The following SLC24A5 variants were observed in gnomAD, a reference collection of about 807,000 sequenced individuals.
SLC24A5 encodes the protein sodium/potassium/calcium exchanger 5.
In SLC24A5, 46 loss-of-function variants were observed where a neutral mutation model predicts 51.6. The observed-to-expected ratio is 0.89, with a 90% CI of 0.70 to 1.14. The LOEUF is 1.14. SLC24A5 is among the 50% of genes most tolerant of loss of function. The pLI is 0.00. For synonymous variants in SLC24A5, 230 were observed against 214.9 expected (o/e 1.07, Z -0.62); for missense variants, 581 against 604.1 (o/e 0.96, Z 0.40).
chr15:48,141,913 A>G, intron 8 of SLC24A5, 116 bp from the exon 9 acceptor site: 1 of 774,798 alleles, frequency 1.3e-6, no homozygotes, highest in South Asian at 3.0e-5. Context: ...CTCTAACAAC[A>G]ATTTTTCAAA....
intron 2 of SLC24A5, among the ~76,000 whole-genome samples, chr15:48,130,370 A>G (rs546145567): frequency 6.6e-6 from 1 of 152,308 alleles, no homozygotes; most frequent in South Asian, 2.1e-4. Flanking sequence ...ACATTAAGAT[A>G]TAATTTGTTA....
intron 7 of SLC24A5, chr15:48,139,562 G>C (rs1203029434): frequency 1.3e-5 from 2 of 155,016 alleles, no homozygotes; most frequent in African/African-American, 4.9e-5. Context: ...AAAGCAAGGA[G>C]CTCTATTTTT....
In SLC24A5 at chr15:48,142,558, G is replaced by A. The variant is rs1025010174; in HGVS notation, c.*207G>A. The A allele has an allele frequency of 5.2e-5, 25 of 476,750 alleles. No individual in the cohort carries two copies. Among genetic ancestry groups the A allele is most frequent in the Non-Finnish European group, 7.9e-5 (22 of 279,776 alleles). 29.5% of individuals were successfully genotyped at this position (476,750 alleles called of 1,614,324 possible). On this transcript the variant is annotated 3_prime_UTR_variant, in exon 9 of 9. Coordinates refer to ENST00000341459, the MANE Select transcript of SLC24A5 (RefSeq NM_205850.3). ...ACATATTATAAAACAGAAGTTTGGG[G>A]GGAAAAAATCTATGTTTTACCATAC... is the stretch of plus-strand genomic sequence containing the variant.
In SLC24A5 at chr15:48,134,866, T is replaced by C; in HGVS notation, c.490-18T>C. The C allele has an allele frequency of 2.6e-6, 4 of 1,558,304 alleles. No individual in the cohort carries two copies. Among genetic ancestry groups the C allele is most frequent in the Non-Finnish European group, 3.5e-6 (4 of 1,136,708 alleles). ...AGAAGTTACAATGTAATGGAAATAA[T>C]AACTTACCATATTACAGGTCTCAAC... On this transcript the variant is annotated intron_variant, in intron 4 of 8. Coordinates refer to ENST00000341459, the MANE Select transcript of SLC24A5 (RefSeq NM_205850.3).
At chr15:48,131,174 T>C (rs1459190128) in intron 2 of SLC24A5, among the ~76,000 whole-genome samples, 3 of 152,174 alleles carry the variant, frequency 2.0e-5, no homozygotes, top group East Asian at 1.9e-4. Flanking sequence ...TTTTGTTCTA[T>C]GTTTTAAATA....
chr15:48,129,389 C>T (rs1597253308), intron 2 of SLC24A5, among the ~76,000 whole-genome samples: 1 of 152,046 alleles, frequency 6.6e-6, no homozygotes, highest in East Asian at 1.9e-4. Flanking sequence ...ACAAAAAAGA[C>T]ATCAGTTTGC....
chr15:48,127,846 T>A (rs948183518), intron 2 of SLC24A5, among the ~76,000 whole-genome samples: 17 of 151,956 alleles, frequency 1.1e-4, no homozygotes, highest in Admixed American at 8.5e-4. Flanking sequence ...AAATAAAAAT[T>A]AAAATTAAAA....
intron 2 of SLC24A5, chr15:48,123,033 A>ATC (rs2038695994): frequency 1.3e-5 from 2 of 151,244 alleles, no homozygotes; most frequent in Non-Finnish European, 2.9e-5. Context: ...CCCCACCCCC[A>ATC]ACCCCTGCTG....
intron 7 of SLC24A5, 52 bp from the exon 8 acceptor site, chr15:48,141,061 G>A (rs2039063429): frequency 7.1e-7 from 1 of 1,409,952 alleles, no homozygotes; most frequent in Non-Finnish European, 1.0e-6. Context: ...AACTGCAAAG[G>A]ATGGTTAGTG....
chr15:48,141,818 AATAAAT>A (rs2039100321), intron 8 of SLC24A5: 2 of 343,596 alleles, frequency 5.8e-6, no homozygotes, highest in East Asian at 9.4e-5. Flanking sequence ...AAAATGGTTT[AATAAAT>A]ATAATTATTA....
At chr15:48,140,902 T>C in intron 7 of SLC24A5, 3 of 440,986 alleles carry the variant, frequency 6.8e-6, no homozygotes, top group Non-Finnish European at 4.2e-6. Context: ...TTTAGATATG[T>C]CATTAAAAAT....
intron 2 of SLC24A5, among the ~76,000 whole-genome samples, chr15:48,132,875 T>C (rs750788561): frequency 2.0e-5 from 3 of 152,116 alleles, no homozygotes; most frequent in Non-Finnish European, 4.4e-5. Flanking sequence ...GTGATGATAG[T>C]AAGGAAGTCG....
rs1222312826 is a variant in SLC24A5, at chr15:48,121,173, G to A, written c.121+8G>A. 4 of 1,607,740 alleles carry A rather than the reference G, an allele frequency of 2.5e-6. No homozygotes were observed. Among genetic ancestry groups the A allele is most frequent in the African/African-American group, 2.7e-5 (2 of 74,716 alleles). On this transcript the variant is annotated splice_region_variant and intron_variant, in intron 1 of 8. Transcript: ENST00000341459. ...GTCTCCCAAGGGCCACAGGTAGGTG[G>A]ACATTGGGGTCAGTTAGCTCTGCAG...
At position 48,142,624 on chromosome 15, in the gene SLC24A5, C is replaced by T. The variant is rs1383734945; in HGVS notation, c.*273C>T. The T allele has an allele frequency of 4.3e-5, 19 of 442,016 alleles. No individual in the cohort carries two copies. In the East Asian group the frequency reaches 6.2e-4, roughly 15 times the overall value. The allele number at this position is 442,016 out of a possible 1,614,324, so 27.4% of individuals were successfully genotyped here. ...ACTGGAGAAACTAGAACAAACAAAT[C>T]CAACTATGTAGTACTGAAAACAACA... On this transcript the variant is annotated 3_prime_UTR_variant, in exon 9 of 9. Coordinates refer to ENST00000341459, the MANE Select transcript of SLC24A5 (RefSeq NM_205850.3).
At chr15:48,137,024 A>C in intron 6 of SLC24A5, 61 bp downstream of exon 6, 14 of 1,497,896 alleles carry the variant, frequency 9.3e-6, no homozygotes, top group Non-Finnish European at 1.2e-5. Context: ...TTAAAATTTC[A>C]TTTCAATTCA....
intron 2 of SLC24A5, among the ~76,000 whole-genome samples, chr15:48,131,283 C>T (rs2038787145): frequency 6.6e-6 from 1 of 151,878 alleles, no homozygotes; most frequent in African/African-American, 2.4e-5. Flanking sequence ...TATACGTATG[C>T]ATGTATATGT....
chr15:48,122,469 C>T, intron 2 of SLC24A5: 1 of 207,398 alleles, frequency 4.8e-6, no homozygotes, highest in Non-Finnish European at 9.6e-6. Flanking sequence ...TAAACAAATG[C>T]AATTAAGGAC....
chr15:48,121,271 T>G lies in SLC24A5; in HGVS notation c.121+106T>G, dbSNP rs1567219283. ...AGGAAAATTCTCAATGGGCTCACTT[T>G]TACTTACGCTTCTGAATTTTAGCAT... On this transcript the variant is annotated intron_variant, in intron 1 of 8. Transcript: ENST00000341459. 1.3e-5 allele frequency: 16 copies of G among 1,199,002 alleles called. No individual in the cohort carries two copies. The East Asian group carries it at 4.1e-4, about 31-fold the overall frequency. 74.3% of individuals were successfully genotyped at this position (1,199,002 alleles called of 1,614,324 possible).
intron 3 of SLC24A5, 33 bp from the exon 4 acceptor site, chr15:48,134,402 A>C: frequency 6.2e-7 from 1 of 1,606,946 alleles, no homozygotes; most frequent in African/African-American, 1.3e-5. Context: ...CTTCAAGTTA[A>C]CACTAACTTA....
Sources: gnomAD v4.1 joint callset for allele counts (sites outside exome capture counted in the v4.1 genomes callset) on GRCh38, gnomAD v4.1.1 for gene constraint, MANE v1.5 for transcripts, NCBI Gene and HGNC (gene_info 2026-07-23, HGNC 2026-07-21) for gene names.